Variants in DGKB observed in about 807,000 individuals in gnomAD.
DGKB encodes the protein 90 kDa diacylglycerol kinase.
DGKB carries 67 observed loss-of-function variants against 114.3 expected under a neutral mutation model. The ratio of observed to expected loss-of-function variants is 0.59; its 90% CI spans 0.48 to 0.72. The LOEUF (loss-of-function observed/expected upper bound fraction) is 0.72. Among genes scored for constraint, DGKB ranks in the 30% least tolerant of loss-of-function variants. The pLI, the probability that DGKB is intolerant of heterozygous loss-of-function variation, is 0.00. For missense variants in DGKB, 907 were observed against 975.2 expected, an observed-to-expected ratio of 0.93 and a Z score of 0.93; for synonymous variants, 398 against 323.1, an observed-to-expected ratio of 1.23 and a Z score of -2.49.
intron 21 of DGKB, among the ~76,000 whole-genome samples, chr7:14,360,634 A>G (rs1442109398): frequency 3.9e-5 from 6 of 152,030 alleles, no homozygotes; most frequent in Non-Finnish European, 7.4e-5. Context: ...ATAGACATTA[A>G]TTGGTAACTT....
chr7:14,248,894 G>A (rs1794833096), intron 23 of DGKB, among the ~76,000 whole-genome samples: 1 of 152,220 alleles, frequency 6.6e-6, no homozygotes, highest in East Asian at 1.9e-4. Context: ...AACAAGTGTT[G>A]AGAGAGAGCA....
intron 16 of DGKB, among the ~76,000 whole-genome samples, chr7:14,607,783 G>A (rs1309304124): frequency 6.6e-6 from 1 of 151,734 alleles, no homozygotes; most frequent in Non-Finnish European, 1.5e-5. Context: ...CATACATTTA[G>A]GATATTCTCT....
At chr7:14,720,187 C>T (rs919411968) in intron 5 of DGKB, among the ~76,000 whole-genome samples, 1 of 152,104 alleles carries the variant, frequency 6.6e-6, no homozygotes, top group Non-Finnish European at 1.5e-5. Context: ...ATATTCTATC[C>T]TATTCTGAAA....
intron 20 of DGKB, among the ~76,000 whole-genome samples, chr7:14,551,456 T>TAA (rs1795092717): frequency 1.3e-5 from 2 of 152,204 alleles, no homozygotes; most frequent in Non-Finnish European, 2.9e-5. Context: ...TTGCCTTGCT[T>TAA]GTTTCTTCTC....
rs377111634 is a variant in DGKB, at chr7:14,309,625, T to G, written c.2122+28890A>C. 2.0e-5 allele frequency among the ~76,000 whole-genome samples: 3 copies of G among 152,230 alleles called. No homozygotes were observed. The East Asian group carries it at 5.8e-4, about 29-fold the overall frequency. On this transcript the variant is annotated intron_variant, in intron 23 of 25. Coordinates refer to ENST00000402815, the MANE Select transcript of DGKB (RefSeq NM_001350709.2). ...CTCTGGGCCTGCAGAAGTTGTTCAC[T>G]TCCTCTTTTCACAAGATAGTATCTT...
chr7:14,281,344 C>G (rs1799921978), intron 23 of DGKB, among the ~76,000 whole-genome samples: 1 of 138,532 alleles, frequency 7.2e-6, no homozygotes, highest in East Asian at 2.2e-4. Context: ...AATACAGGAG[C>G]ACCCAGATTC....
chr7:14,933,358 T>C (rs1287723122), intron 1 of DGKB, among the ~76,000 whole-genome samples: 1 of 152,224 alleles, frequency 6.6e-6, no homozygotes, highest in Non-Finnish European at 1.5e-5. Context: ...TATCAATCCT[T>C]CAGTTCCTCT....
At chr7:14,914,822 A>T (rs1784161837) in intron 1 of DGKB, among the ~76,000 whole-genome samples, 1 of 141,156 alleles carries the variant, frequency 7.1e-6, no homozygotes, top group Non-Finnish European at 1.5e-5. Context: ...ACAAAGAATC[A>T]AAAGGAAATG....
At chr7:14,769,228 G>GAGAAAA (rs1554265923) in intron 2 of DGKB, among the ~76,000 whole-genome samples, 1 of 119,602 alleles carries the variant, frequency 8.4e-6, no homozygotes, top group Non-Finnish European at 1.7e-5. Context: ...GAAAGAGAGA[G>GAGAAAA]AGAAAGAAAG....
intron 23 of DGKB, among the ~76,000 whole-genome samples, 160 bp from the exon 24 acceptor site, chr7:14,178,311 C>G (rs910592349): frequency 1.3e-5 from 2 of 151,784 alleles, no homozygotes; most frequent in African/African-American, 4.8e-5. Context: ...ACTTTTATAA[C>G]TCTCAGTTTA....
chr7:14,301,605 A>G lies in DGKB; in HGVS notation c.2122+36910T>C, dbSNP rs567571084. 5.3e-5 allele frequency among the ~76,000 whole-genome samples: 8 copies of G among 152,268 alleles called. No homozygotes were observed. The South Asian group carries it at 1.2e-3, about 24-fold the overall frequency. On this transcript the variant is annotated intron_variant, in intron 23 of 25. Transcript: ENST00000402815. ...AATAAGAACTTGGTAATTTGGGCCAATCCTACCAATGTGGACAACTTGTGC... is the reference window on the plus strand; with the variant it reads ...AATAAGAACTTGGTAATTTGGGCCAGTCCTACCAATGTGGACAACTTGTGC...
intron 1 of DGKB, among the ~76,000 whole-genome samples, chr7:14,864,441 A>G (rs1851430651): frequency 6.6e-6 from 1 of 152,178 alleles, no homozygotes; most frequent in Non-Finnish European, 1.5e-5. Flanking sequence ...TAGGCCTAGC[A>G]TGTTACCACA....
At chr7:14,176,920 G>C (rs780282705) in intron 24 of DGKB, 21 bp from the exon 25 acceptor site, 1 of 1,612,664 alleles carries the variant, frequency 6.2e-7, no homozygotes, top group Non-Finnish European at 8.5e-7. Flanking sequence ...ATATTTCATT[G>C]TAAGTATTGC....
intron 3 of DGKB, among the ~76,000 whole-genome samples, chr7:14,755,513 T>G (rs1251521186): frequency 2.6e-5 from 4 of 152,178 alleles, no homozygotes; most frequent in African/African-American, 9.6e-5. Context: ...CATTTTTTCT[T>G]GTATAATTCA....
At chr7:14,933,805 A>G (rs1475157330) in intron 1 of DGKB, among the ~76,000 whole-genome samples, 1 of 152,170 alleles carries the variant, frequency 6.6e-6, no homozygotes, top group Non-Finnish European at 1.5e-5. Flanking sequence ...AATATTTAAG[A>G]TATTAAAAAT....
chr7:14,517,834 GA>G (rs1789094268), intron 20 of DGKB, among the ~76,000 whole-genome samples: 1 of 152,100 alleles, frequency 6.6e-6, no homozygotes, highest in Admixed American at 6.6e-5. Flanking sequence ...AGGTTGTGGA[GA>G]AAAGGGAACA....
chr7:14,830,272 G>A (rs1347290221), intron 2 of DGKB, among the ~76,000 whole-genome samples: 1 of 151,950 alleles, frequency 6.6e-6, no homozygotes, highest in Non-Finnish European at 1.5e-5. Flanking sequence ...TATTCTCTCT[G>A]TTCCATGGAT....
At chr7:14,710,176 A>T (rs1409422777) in intron 6 of DGKB, among the ~76,000 whole-genome samples, 1 of 152,030 alleles carries the variant, frequency 6.6e-6, no homozygotes, top group African/African-American at 2.4e-5. Flanking sequence ...CTTTATTTAG[A>T]GCTTTAATTT....
intron 23 of DGKB, among the ~76,000 whole-genome samples, chr7:14,305,887 T>C (rs1236014560): frequency 6.6e-5 from 10 of 152,134 alleles, no homozygotes; most frequent in Admixed American, 6.5e-4. Context: ...TTTTCAGAGG[T>C]CTATATTTAA....
Sources: gnomAD v4.1 joint callset for allele counts (sites outside exome capture counted in the v4.1 genomes callset) on GRCh38, gnomAD v4.1.1 for gene constraint, MANE v1.5 for transcripts, NCBI Gene and HGNC (gene_info 2026-07-23, HGNC 2026-07-21) for gene names.